Variants in RASL12 observed in about 807,000 individuals in gnomAD.
RASL12 encodes ras-like protein family member 12.
A neutral mutation model predicts 22.9 loss-of-function variants in RASL12; 16 were observed. The observed-to-expected ratio is 0.70, with a 90% CI of 0.47 to 1.06. The LOEUF is 1.06. Among genes scored for constraint, RASL12 ranks in the 50% least tolerant of loss-of-function variants. RASL12 has a pLI of 0.00. For missense variants in RASL12, 306 were observed against 353.1 expected, an observed-to-expected ratio of 0.87 and a Z score of 1.07; for synonymous variants, 159 against 152.2, an observed-to-expected ratio of 1.04 and a Z score of -0.33.
upstream of RASL12, among the ~76,000 whole-genome samples, chr15:65,070,236 C>G (rs2086922121): frequency 6.6e-6 from 1 of 152,154 alleles, no homozygotes; most frequent in African/African-American, 2.4e-5. Context: ...CCACTGCACT[C>G]CTGCCTGGGT....
At chr15:65,060,392 G>A (rs955421388) in intron 2 of RASL12, among the ~76,000 whole-genome samples, 4 of 152,208 alleles carry the variant, frequency 2.6e-5, no homozygotes, top group Non-Finnish European at 4.4e-5. Context: ...GCTTCCCCCA[G>A]TGTCATCACC....
rs549510923 is a variant in RASL12 at position 65,062,266 on chromosome 15, C to T, written c.161-2848G>A. Reference sequence around the variant, plus strand: ...CAAAGCCCTTCCACAGACACTGAATCTCTCAGCTACTACCAGCTCTAACAG... The same window carrying T: ...CAAAGCCCTTCCACAGACACTGAATTTCTCAGCTACTACCAGCTCTAACAG... On this transcript the variant is annotated intron_variant, in intron 2 of 4. Coordinates refer to ENST00000220062, the MANE Select transcript of RASL12 (RefSeq NM_016563.4). Among the ~76,000 whole-genome samples, 9 of 152,272 alleles carry T rather than the reference C, an allele frequency of 5.9e-5. No homozygotes were observed. The East Asian group carries it at 1.5e-3, about 26-fold the overall frequency.
intron 1 of RASL12, among the ~76,000 whole-genome samples, chr15:65,074,116 C>G (rs1296184735): frequency 7.3e-6 from 1 of 137,444 alleles, no homozygotes; most frequent in Non-Finnish European, 1.5e-5. Context: ...ATTGGACTGG[C>G]TCAGAGTCAG....
chr15:65,051,227 C>G (rs1385091020), downstream of RASL12, among the ~76,000 whole-genome samples: 1 of 152,206 alleles, frequency 6.6e-6, no homozygotes, highest in African/African-American at 2.4e-5. Flanking sequence ...CCACCTGTCT[C>G]CTGCCCTCCG....
At chr15:65,075,475 CCAGCTGGGCTCCTGAGT>C (rs2086960792) in intron 1 of RASL12, among the ~76,000 whole-genome samples, 1 of 152,254 alleles carries the variant, frequency 6.6e-6, no homozygotes, top group Non-Finnish European at 1.5e-5. Flanking sequence ...CTAGGTGAAG[CCAGCTGGGCTCCTGAGT>C]CTGGTGGGGA....
At position 65,067,718 on chromosome 15, in the gene RASL12, C is replaced by CCCGGCGCCACTCACCAGACTTG; in HGVS notation, c.96_103+14dup. 1 of 1,543,482 alleles carries CCCGGCGCCACTCACCAGACTTG rather than the reference C, an allele frequency of 6.5e-7. No individual in the cohort carries two copies. Among genetic ancestry groups the CCCGGCGCCACTCACCAGACTTG allele is most frequent in the East Asian group, 2.6e-5 (1 of 38,936 alleles). ...GCTCCGCACTTGGCGGCTCAGGCTC[C>CCCGGCGCCACTCACCAGACTTG]CCGGCGCCACTCACCAGACTTGCCA... is the stretch of plus-strand genomic sequence containing the variant. On this transcript the variant is annotated intron_variant, in intron 1 of 4. Transcript: ENST00000220062.
chr15:65,049,502 G>C (rs577588177), downstream of RASL12: 1 of 152,292 alleles, frequency 6.6e-6, no homozygotes, highest in South Asian at 2.1e-4. Context: ...TTTGACATGT[G>C]GGGAAACACA....
At chr15:65,056,958 T>TA (rs3842336) in intron 4 of RASL12, among the ~76,000 whole-genome samples, 70,435 of 151,942 alleles carry the variant, frequency 0.46, 16,888 homozygotes, top group East Asian at 0.78. Context: ...GAGTGATCTG[T>TA]GCTTTTTTCC....
At chr15:65,053,084 T>C (rs1359603444), downstream of RASL12, 3 of 1,613,964 alleles carry the variant, frequency 1.9e-6, no homozygotes, top group Non-Finnish European at 2.5e-6. Context: ...AAAGCCAAAC[T>C]TGGCCCAGGT....
At position 65,058,218 on chromosome 15, in the gene RASL12, G is replaced by A. The variant is rs188993131; in HGVS notation, c.425+209C>T. On this transcript the variant is annotated intron_variant, in intron 4 of 4. Transcript: ENST00000220062. Reference sequence around the variant, plus strand: ...CAGGAGGTGGAGGTTGCAGTGAGCCGAGATGGTGCCATTGCACTCCAGCCT... The same window carrying A: ...CAGGAGGTGGAGGTTGCAGTGAGCCAAGATGGTGCCATTGCACTCCAGCCT... 1.9e-4 allele frequency among the ~76,000 whole-genome samples: 29 copies of A among 152,324 alleles called. 1 individual carries two copies. The South Asian group carries it at 2.3e-3, about 12-fold the overall frequency.
At chr15:65,072,782 T>G (rs2086940611), upstream of RASL12, among the ~76,000 whole-genome samples, 1 of 152,110 alleles carries the variant, frequency 6.6e-6, no homozygotes, top group African/African-American at 2.4e-5. Flanking sequence ...GTGAGAGGAT[T>G]GAACCATATG....
At chr15:65,068,910 T>A (rs908714541), upstream of RASL12, among the ~76,000 whole-genome samples, 1 of 152,072 alleles carries the variant, frequency 6.6e-6, no homozygotes, top group African/African-American at 2.4e-5. The surrounding 1 kb of genome is among the most constrained non-coding windows in gnomAD (Gnocchi z 4.2). Context: ...AAGGGGAAAA[T>A]GAAGCAAAAT....
At chr15:65,068,428 C>T (rs1272680800), upstream of RASL12, 2 of 370,692 alleles carry the variant, frequency 5.4e-6, no homozygotes, top group Non-Finnish European at 7.5e-6. This position sits in a 1 kb window ranked among gnomAD's most constrained non-coding sequence, Gnocchi z 4.2. Flanking sequence ...TCCCCAATCA[C>T]ATTATTCTGC....
Position 65,054,778 on chromosome 15 carries a change from G to A in RASL12, c.*121C>T. On this transcript the variant is annotated 3_prime_UTR_variant, in exon 5 of 5. Transcript: ENST00000220062. ...ACAGTGAATTGAGTGTAGGGACACT[G>A]CTTGGTGCTGGAGGCGGGGTCTGCT... 1 of 1,499,096 alleles carries A rather than the reference G, an allele frequency of 6.7e-7. No individual in the cohort carries two copies. The highest frequency in any genetic ancestry group is 8.8e-7 in the Non-Finnish European group (1 of 1,130,856). The allele number at this position is 1,499,096 out of a possible 1,614,324, so 92.9% of individuals were successfully genotyped here.
Position 65,063,242 on chromosome 15 carries a change from A to C in RASL12, c.160+1975T>G, listed in dbSNP as rs557535729. Among the ~76,000 whole-genome samples the C allele has an allele frequency of 1.8e-4, 27 of 152,026 alleles. No individual in the cohort carries two copies. The South Asian group carries it at 5.0e-3, about 28-fold the overall frequency. On this transcript the variant is annotated intron_variant, in intron 2 of 4. Coordinates refer to ENST00000220062, the MANE Select transcript of RASL12 (RefSeq NM_016563.4). ...AAAAGGAATAATTTTTGGTATAAGC[A>C]TGACCCATGCAATATTTGAATTAGG...
upstream of RASL12, among the ~76,000 whole-genome samples, chr15:65,069,629 G>C (rs991751447): frequency 1.3e-5 from 2 of 152,220 alleles, no homozygotes; most frequent in East Asian, 1.9e-4. Flanking sequence ...GATGGGAGCT[G>C]CAAGATTCTA....
upstream of RASL12, among the ~76,000 whole-genome samples, chr15:65,069,498 C>T (rs1324046134): frequency 6.6e-6 from 1 of 152,226 alleles, no homozygotes; most frequent in Non-Finnish European, 1.5e-5. Flanking sequence ...AACTGTGGGC[C>T]TGCACGGGCC....
downstream of RASL12, among the ~76,000 whole-genome samples, chr15:65,050,327 T>C (rs2086633601): frequency 6.6e-6 from 1 of 151,930 alleles, no homozygotes; most frequent in African/African-American, 2.4e-5. Flanking sequence ...AATCATCACA[T>C]TTATTAAGCT....
chr15:65,055,287 C>A lies in RASL12; in HGVS notation c.426-13G>T, dbSNP rs759652136. 6.5e-7 allele frequency: 1 copy of A among 1,532,210 alleles called. No individual in the cohort carries two copies. The highest frequency in any genetic ancestry group is 1.4e-5 in the African/African-American group (1 of 73,684). The allele number at this position is 1,532,210 out of a possible 1,614,324, so 94.9% of individuals were successfully genotyped here. Reference sequence around the variant, plus strand: ...CTTGGTGACTTGCCTGGTGAGGAAGCAGTGTGAGGCAGGGAGTTAGGAGCA... The same window carrying A: ...CTTGGTGACTTGCCTGGTGAGGAAGAAGTGTGAGGCAGGGAGTTAGGAGCA... On this transcript the variant is annotated splice_polypyrimidine_tract_variant and intron_variant, in intron 4 of 4. Transcript: ENST00000220062.
Sources: gnomAD v4.1 joint callset for allele counts (sites outside exome capture counted in the v4.1 genomes callset) on GRCh38, gnomAD v4.1.1 for gene constraint, Gnocchi (gnomAD v3.1) non-coding constraint, MANE v1.5 for transcripts, NCBI Gene and HGNC (gene_info 2026-07-23, HGNC 2026-07-21) for gene names.